Variants in ARSF observed in about 807,000 individuals in gnomAD.
ARSF encodes arylsulfatase F.
In ARSF, 33 loss-of-function variants were observed where a neutral mutation model predicts 35.4. That is an observed-to-expected ratio of 0.93 (90% CI 0.71 to 1.25). The LOEUF is 1.25. Ranked by LOEUF, ARSF falls within the 50% of genes most tolerant of loss-of-function variation. The pLI is 0.00. For missense variants in ARSF, 501 were observed against 480.2 expected, an observed-to-expected ratio of 1.04 and a Z score of -0.40; for synonymous variants, 222 against 193.1, an observed-to-expected ratio of 1.15 and a Z score of -1.24.
At chrX:3,110,728 C>G (rs1000386593) in intron 10 of ARSF, among the ~76,000 whole-genome samples, 1 of 111,012 alleles carries the variant, frequency 9.0e-6, no homozygotes, top group African/African-American at 3.3e-5. Flanking sequence ...AAAGCCCTGT[C>G]TCTACTAAGA....
At chrX:3,110,928 C>T (rs1209688627) in intron 10 of ARSF, among the ~76,000 whole-genome samples, 5 of 111,824 alleles carry the variant, frequency 4.5e-5, no homozygotes, top group Non-Finnish European at 9.4e-5. Flanking sequence ...AATATATATA[C>T]ATTTTTAGAA....
At chrX:3,086,927 A>G (rs962430367) in intron 6 of ARSF, among the ~76,000 whole-genome samples, 10 of 111,999 alleles carry the variant, frequency 8.9e-5, no homozygotes, top group Non-Finnish European at 1.7e-4. Context: ...GCTAAAATCA[A>G]GATGTTGGTG....
At position 3,084,276 on chromosome X, in the gene ARSF, G is replaced by A. The variant is rs188315940; in HGVS notation, c.440G>A (p.Arg147Gln). 32 of 1,209,696 alleles carry A rather than the reference G, an allele frequency of 2.6e-5. No homozygotes were observed. Among genetic ancestry groups the A allele is most frequent in the East Asian group, 5.9e-5 (2 of 33,766 alleles). Residue 147 changes from arginine to glutamine, a missense_variant, in exon 6 of 11, where the codon CGA (arginine) becomes CAA (glutamine). Transcript: ENST00000381127. The part of the protein sequence containing the change: ...KWHQGLNCDS[R>Q]SDQCHHPYNY... ...CACCAAGGCTTGAACTGCGACTCCC[G>A]AAGTGACCAGTGCCACCATCCATAT...
chrX:3,097,002 T>C (rs752556660), intron 7 of ARSF, among the ~76,000 whole-genome samples: 1 of 110,699 alleles, frequency 9.0e-6, no homozygotes, highest in East Asian at 2.8e-4. Context: ...ATGCCAACTG[T>C]CTGAAGTGAG....
intron 7 of ARSF, among the ~76,000 whole-genome samples, chrX:3,098,730 G>A (rs2090355923): frequency 9.0e-6 from 1 of 110,959 alleles, no homozygotes; most frequent in Admixed American, 9.6e-5. Flanking sequence ...TATTAGCATC[G>A]TGAAAACAGA....
At chrX:3,097,042 A>G (rs1479927419) in intron 7 of ARSF, among the ~76,000 whole-genome samples, 1 of 111,374 alleles carries the variant, frequency 9.0e-6, no homozygotes, top group Admixed American at 9.6e-5. Context: ...CTCCCCTAGA[A>G]ACTTCAGAGA....
intron 1 of ARSF, among the ~76,000 whole-genome samples, chrX:3,057,810 T>G (rs950333900): frequency 9.0e-6 from 1 of 111,630 alleles, no homozygotes; most frequent in Non-Finnish European, 1.9e-5. Context: ...CATGTGTTTC[T>G]TGTCCCACTG....
rs139476261 is a variant in ARSF at position 3,084,338 on chromosome X, A to T, written c.502A>T (p.Thr168Ser). ...GFDYYYGMPF[T>S]LVDSCWPDPS... ...TGACTACTACTATGGCATGCCGTTC[A>T]CTCTCGTTGACAGCTGCTGGCCGGA... Residue 168 changes from threonine to serine, a missense_variant, in exon 6 of 11, where the codon ACT (threonine) becomes TCT (serine). By Grantham distance (58) the Thr-to-Ser change is moderately conservative (BLOSUM62 1). Transcript: ENST00000381127. 403 of 1,209,402 alleles carry T rather than the reference A, an allele frequency of 3.3e-4. No homozygotes were observed. In the East Asian group the frequency reaches 4.8e-3, roughly 14 times the overall value.
At chrX:3,068,652 T>C (rs1390183907) in intron 2 of ARSF, among the ~76,000 whole-genome samples, 1 of 111,419 alleles carries the variant, frequency 9.0e-6, no homozygotes, top group African/African-American at 3.3e-5. Flanking sequence ...CTTGAACTCC[T>C]GGGCTCAAGG....
intron 7 of ARSF, among the ~76,000 whole-genome samples, chrX:3,094,370 C>T (rs2090325271): frequency 8.9e-6 from 1 of 111,814 alleles, no homozygotes; most frequent in Non-Finnish European, 1.9e-5. Context: ...CCCCATTAGA[C>T]TCCTACAGAC....
At chrX:3,071,736 A>C (rs773647105) in intron 2 of ARSF, among the ~76,000 whole-genome samples, 14 of 111,995 alleles carry the variant, frequency 1.3e-4, no homozygotes, top group African/African-American at 4.5e-4. Context: ...GCGCTTGTAC[A>C]TTCCCACTAA....
rs1299696454 is a variant in ARSF, at chrX:3,081,133, G to C, written c.406+120G>C. ...TTACAATGTCTTATGTAAAGGCGCA[G>C]TGGCCCATGCCTACAATCCCAGTAC... On this transcript the variant is annotated intron_variant, in intron 5 of 10. Transcript: ENST00000381127. 3 of 966,121 alleles carry C rather than the reference G, an allele frequency of 3.1e-6. No homozygotes were observed. The East Asian group carries it at 1.0e-4, about 32-fold the overall frequency. The allele number at this position is 966,121 out of a possible 1,213,427, so 79.6% of individuals were successfully genotyped here.
chrX:3,112,653 T>C lies in ARSF; in HGVS notation c.*97T>C. The C allele has an allele frequency of 9.4e-7, 1 of 1,058,898 alleles. No individual in the cohort carries two copies. Among genetic ancestry groups the C allele is most frequent in the Non-Finnish European group, 1.2e-6 (1 of 815,911 alleles). The allele number at this position is 1,058,898 out of a possible 1,213,427, so 87.3% of individuals were successfully genotyped here. ...AAGCACTAACTTTGGTGCTTTCAAG[T>C]TGGCAAGGAGTGCATTTAATAGTCA... On this transcript the variant is annotated 3_prime_UTR_variant, in exon 11 of 11. Coordinates refer to ENST00000381127, the MANE Select transcript of ARSF (RefSeq NM_001201539.2).
rs778537453 is a variant in ARSF, at chrX:3,101,101, G to A, written c.982G>A (p.Ala328Thr). 8.3e-7 allele frequency: 1 copy of A among 1,206,799 alleles called. No homozygotes were observed. Among genetic ancestry groups the A allele is most frequent in the African/African-American group, 1.8e-5 (1 of 56,835 alleles). ...MDSMVGKILDAIDDFGLRNNT... is the reference protein window; with the variant it reads ...MDSMVGKILDTIDDFGLRNNT... ...TATTATTTTAGGCAAGATTCTTGAT[G>A]CTATCGATGATTTTGGCCTAAGGAA... The change falls in exon 8 of 11, where the codon GCT (alanine) becomes ACT (threonine). Residue 328 changes from alanine (A) to threonine (T), a missense_variant. By Grantham distance (58) the Ala-to-Thr change is moderately conservative. Transcript: ENST00000381127.
intron 10 of ARSF, among the ~76,000 whole-genome samples, chrX:3,111,409 T>A (rs1002889801): frequency 9.0e-6 from 1 of 111,726 alleles, no homozygotes; most frequent in Admixed American, 9.5e-5. Flanking sequence ...TATTTTGAGA[T>A]AGGCAATGCA....
chrX:3,072,244 G>T, intron 3 of ARSF, 69 bp downstream of exon 3: 1 of 1,073,041 alleles, frequency 9.3e-7, no homozygotes, highest in Non-Finnish European at 1.3e-6. Context: ...CTGTACGGCT[G>T]CATCTATGTG....
chrX:3,090,287 T>C (rs1374193036), intron 7 of ARSF, among the ~76,000 whole-genome samples: 1 of 112,132 alleles, frequency 8.9e-6, no homozygotes, highest in African/African-American at 3.2e-5. Context: ...CATAATATAG[T>C]AATATTAAGT....
Position 3,112,313 on chromosome X carries a change from C to G in ARSF, c.1530C>G (p.Ser510=), listed in dbSNP as rs139515831. 1.8e-4 allele frequency: 215 copies of G among 1,208,653 alleles called. No homozygotes were observed. The highest frequency in any genetic ancestry group is 3.5e-4 in the Admixed American group (16 of 45,552). ...YHNPPLLFDL[S]RDPSESTPLT... ...ACCCCCCTCTGCTCTTCGATCTCTC[C>G]AGGGACCCCTCAGAGTCCACACCCC... Residue 510 remains serine (S), a synonymous_variant, in exon 11 of 11, where the codon TCC becomes TCG. Coordinates refer to ENST00000381127, the MANE Select transcript of ARSF (RefSeq NM_001201539.2).
chrX:3,065,636 C>CA (rs760800747), intron 1 of ARSF, among the ~76,000 whole-genome samples: 4,562 of 67,915 alleles, frequency 0.067, 119 homozygotes, highest in Middle Eastern at 0.11. Flanking sequence ...GACTCTGTCT[C>CA]AAAAAAAAAA....
Sources: allele counts gnomAD v4.1 joint callset (sites outside exome capture counted in the v4.1 genomes callset), GRCh38; gene constraint gnomAD v4.1.1; transcripts MANE v1.5; gene names NCBI Gene and HGNC (gene_info 2026-07-23, HGNC 2026-07-21).